SFMBT2: variants seen among roughly 807,000 people sequenced by gnomAD.
The protein encoded by SFMBT2 is scm-like with four MBT domains protein 2.
SFMBT2 carries 38 observed loss-of-function variants against 110.1 expected under a neutral mutation model. That is an observed-to-expected ratio of 0.35 (90% CI 0.27 to 0.45). The LOEUF (loss-of-function observed/expected upper bound fraction) is 0.45, where lower values mean the gene tolerates loss of function less well. Among genes scored for constraint, SFMBT2 ranks in the 20% least tolerant of loss-of-function variants. SFMBT2 has a pLI of 1.00. For missense variants in SFMBT2, 1,011 were observed against 1,094.9 expected, an observed-to-expected ratio of 0.92 and a Z score of 1.08; for synonymous variants, 425 against 425.4, an observed-to-expected ratio of 1.00 and a Z score of 0.01.
intron 2 of SFMBT2, among the ~76,000 whole-genome samples, chr10:7,376,361 A>G (rs920750297): frequency 3.9e-5 from 6 of 151,964 alleles, no homozygotes; most frequent in Admixed American, 3.9e-4. Flanking sequence ...TATTGTGCCT[A>G]TTTCATTTAC....
intron 17 of SFMBT2, 147 bp downstream of exon 17, chr10:7,175,843 C>T: frequency 1.4e-6 from 1 of 712,386 alleles, no homozygotes; most frequent in Non-Finnish European, 2.3e-6. Flanking sequence ...TACAGCAAAT[C>T]CTTAAAAATC....
chr10:7,279,456 A>G (rs973829565), intron 6 of SFMBT2, among the ~76,000 whole-genome samples: 1 of 152,196 alleles, frequency 6.6e-6, no homozygotes, highest in Non-Finnish European at 1.5e-5. Context: ...GTGAAAATCA[A>G]CTGCAGTTTT....
chr10:7,181,148 A>G (rs1316435759), intron 16 of SFMBT2, among the ~76,000 whole-genome samples: 1 of 151,608 alleles, frequency 6.6e-6, no homozygotes, highest in Non-Finnish European at 1.5e-5. Flanking sequence ...CTGAGGCAGG[A>G]GAATCGCTGG....
rs75100859 is a variant in SFMBT2, at chr10:7,323,084, T to C, written c.437-37130A>G. 8.6e-3 allele frequency among the ~76,000 whole-genome samples: 1,310 copies of C among 152,326 alleles called. 15 individuals are homozygous for C. The highest frequency in any genetic ancestry group is 0.03 in the African/African-American group (1,237 of 41,570). ...CAAATTGAAAAATTATTTATATTGATACCATTTATGGAAAGTCTGAAAACA... is the reference window on the plus strand; with the variant it reads ...CAAATTGAAAAATTATTTATATTGACACCATTTATGGAAAGTCTGAAAACA... On this transcript the variant is annotated intron_variant, in intron 4 of 20. Transcript: ENST00000397167.
intron 9 of SFMBT2, among the ~76,000 whole-genome samples, chr10:7,235,669 A>G (rs118149771): frequency 0.017 from 2,575 of 152,256 alleles, 32 homozygotes; most frequent in Non-Finnish European, 0.03. Context: ...TCACAAAAAC[A>G]AAGAGAAGCT....
At position 7,202,501 on chromosome 10, in the gene SFMBT2, G is replaced by A. The variant is rs551008823; in HGVS notation, c.1466C>T (p.Ala489Val). Residue 489 changes from alanine (A) to valine (V), a missense_variant, in exon 13 of 21, where the codon GCA becomes GTA. Physicochemically the swap from Ala to Val is moderately conservative, Grantham distance 64. This residue lies in a region of SFMBT2 where 979 missense variants were observed against 1,016.1 expected (regional missense o/e 0.96). Transcript: ENST00000397167. ...KTVSQKKRKI[A>V]VVQPEKQLPP... is the part of the protein sequence containing the mutation. ...GTACTGTTTCTCTGGTTGCACGACT[G>A]CAATCTTTCTCTTCTTTTGTGCTGT... 403 of 1,614,192 alleles carry A rather than the reference G, an allele frequency of 2.5e-4. 5 individuals carry two copies. The South Asian group carries it at 4.2e-3, about 17-fold the overall frequency.
chr10:7,323,789 G>A (rs1843281800), intron 4 of SFMBT2, among the ~76,000 whole-genome samples: 1 of 152,200 alleles, frequency 6.6e-6, no homozygotes, highest in Admixed American at 6.5e-5. Context: ...ATAATCAGAA[G>A]TACAAAGAAC....
intron 7 of SFMBT2, among the ~76,000 whole-genome samples, chr10:7,268,777 C>T (rs1325615934): frequency 6.6e-6 from 1 of 152,186 alleles, no homozygotes; most frequent in East Asian, 1.9e-4. Context: ...TCCCAAAGTG[C>T]TGCGATTACA....
intron 4 of SFMBT2, among the ~76,000 whole-genome samples, chr10:7,315,091 AGAAAGAAAGAAAGAAAGAAAAAGC>A (rs1332728706): frequency 1.4e-5 from 2 of 146,330 alleles, no homozygotes; most frequent in Non-Finnish European, 3.1e-5. Context: ...AAAGAAAGAA[AGAAAGAAAGAAAGAAAGAAAAAGC>A]AAGCAAGCAA....
intron 10 of SFMBT2, among the ~76,000 whole-genome samples, chr10:7,224,049 A>G (rs773544265): frequency 2.6e-5 from 4 of 152,150 alleles, no homozygotes; most frequent in Non-Finnish European, 2.9e-5. Flanking sequence ...TTCTATTGAT[A>G]ATGAGGCGAT....
rs1554816118 is a variant in SFMBT2, at chr10:7,408,575, G to GCC, written c.-52+2285_-52+2286insGG. ...CCCACCTGCCCCCGCCAGCCCCGGG[G>GCC]ACCGTGCGCGGCCTCCGTGTGGCCC... On this transcript the variant is annotated intron_variant, in intron 1 of 20. Coordinates refer to ENST00000397167, the MANE Select transcript of SFMBT2 (RefSeq NM_001387889.1). This position sits in a 1 kb window ranked among gnomAD's most constrained non-coding sequence, Gnocchi z 5.7. Among the ~76,000 whole-genome samples the GCC allele has an allele frequency of 6.0e-4, 92 of 152,242 alleles. No homozygotes were observed. The highest frequency in any genetic ancestry group is 1.0e-3 in the Non-Finnish European group (71 of 68,004).
intron 4 of SFMBT2, among the ~76,000 whole-genome samples, chr10:7,315,068 G>GAA (rs1178681348): frequency 1.4e-5 from 2 of 142,032 alleles, no homozygotes; most frequent in Non-Finnish European, 1.6e-5. Context: ...AAGAAAGAAA[G>GAA]AAAGAAAGAA....
Position 7,206,885 on chromosome 10 carries a change from C to A in SFMBT2, c.1331-957G>T, listed in dbSNP as rs764141633. 3.0e-6 allele frequency: 3 copies of A among 985,196 alleles called. No homozygotes were observed. The East Asian group carries it at 3.4e-4, about 112-fold the overall frequency. 61.0% of individuals were successfully genotyped at this position (985,196 alleles called of 1,614,324 possible). A position where few individuals can be genotyped will look rare whatever the true frequency, so the allele number is the denominator to read the frequency against. Reference sequence around the variant, plus strand: ...ATAGACGGTGACCCATGGACTCTGACCCCTTAGTCCAGCCCTGCTTGGTTT... The same window carrying A: ...ATAGACGGTGACCCATGGACTCTGAACCCTTAGTCCAGCCCTGCTTGGTTT... On this transcript the variant is annotated intron_variant, in intron 11 of 20. Coordinates refer to ENST00000397167, the MANE Select transcript of SFMBT2 (RefSeq NM_001387889.1).
intron 1 of SFMBT2, among the ~76,000 whole-genome samples, chr10:7,384,910 C>T (rs1228373992): frequency 2.0e-5 from 3 of 152,184 alleles, no homozygotes; most frequent in African/African-American, 2.4e-5. Flanking sequence ...CACCTAACAC[C>T]GAACTGACCT....
chr10:7,288,929 G>C (rs978775731), intron 4 of SFMBT2, among the ~76,000 whole-genome samples: 1 of 151,132 alleles, frequency 6.6e-6, no homozygotes, highest in Non-Finnish European at 1.5e-5. Context: ...CCAGCTACTC[G>C]GGAGGCTGAG....
At chr10:7,348,226 G>A (rs1844179046) in intron 4 of SFMBT2, 2 of 1,413,800 alleles carry the variant, frequency 1.4e-6, no homozygotes, top group African/African-American at 1.4e-5. Context: ...AGAGGTTCGT[G>A]TGGGATCGGG....
In SFMBT2 at chr10:7,370,442, C is replaced by T. The variant is rs1845030974; in HGVS notation, c.101-67G>A. The T allele has an allele frequency of 3.8e-6, 5 of 1,301,530 alleles. No homozygotes were observed. The Admixed American group carries it at 6.8e-5, about 18-fold the overall frequency. 80.6% of individuals were successfully genotyped at this position (1,301,530 alleles called of 1,614,324 possible). A position where few individuals can be genotyped will look rare whatever the true frequency, so the allele number is the denominator to read the frequency against. On this transcript the variant is annotated intron_variant, in intron 2 of 20. Coordinates refer to ENST00000397167, the MANE Select transcript of SFMBT2 (RefSeq NM_001387889.1). ...AGGACAGAAAGGTGCTGGCCTGCAA[C>T]TGAGACCAGAAAATCCTTCATACAA...
intron 4 of SFMBT2, among the ~76,000 whole-genome samples, chr10:7,363,159 G>A (rs1007178170): frequency 2.0e-5 from 3 of 152,076 alleles, no homozygotes; most frequent in East Asian, 3.9e-4. Context: ...ATCATGGGGC[G>A]GGTTTTTCCC....
intron 4 of SFMBT2, among the ~76,000 whole-genome samples, chr10:7,328,949 C>A (rs1301940627): frequency 6.6e-6 from 1 of 152,204 alleles, no homozygotes; most frequent in Admixed American, 6.5e-5. Flanking sequence ...TTGTGAGATC[C>A]AAGCAGCCCA....
Sources: gnomAD v4.1 joint callset for allele counts (sites outside exome capture counted in the v4.1 genomes callset) on GRCh38, gnomAD v4.1.1 for gene constraint, gnomAD v4.1.1 regional missense constraint, Gnocchi (gnomAD v3.1) non-coding constraint, MANE v1.5 for transcripts, NCBI Gene and HGNC (gene_info 2026-07-23, HGNC 2026-07-21) for gene names.